Variants in ACACB observed in about 807,000 individuals in gnomAD.
The protein encoded by ACACB is acetyl-CoA carboxylase beta.
ACACB carries 209 observed loss-of-function variants against 278.8 expected under a neutral mutation model. The ratio of observed to expected loss-of-function variants is 0.75; its 90% CI spans 0.67 to 0.84. The LOEUF (loss-of-function observed/expected upper bound fraction) is 0.84. Ranked by LOEUF, ACACB falls within the 40% of genes least tolerant of loss-of-function variation. ACACB has a pLI of 0.00. For synonymous variants in ACACB, 1,174 were observed against 1,285.6 expected (o/e 0.91, Z 1.86); for missense variants, 2,850 against 3,269.0 (o/e 0.87, Z 3.13).
At chr12:109,148,346 G>C (rs536304543) in intron 2 of ACACB, among the ~76,000 whole-genome samples, 1 of 152,232 alleles carries the variant, frequency 6.6e-6, no homozygotes, top group African/African-American at 2.4e-5. Context: ...GTGCATAGTG[G>C]GCCTATGATG....
intron 6 of ACACB, among the ~76,000 whole-genome samples, chr12:109,172,591 A>C (rs1202018892): frequency 6.6e-6 from 1 of 152,220 alleles, no homozygotes; most frequent in East Asian, 1.9e-4. Context: ...GGCAGCCAAC[A>C]AGCATATGAA....
intron 12 of ACACB, among the ~76,000 whole-genome samples, chr12:109,187,280 TG>T (rs979422151): frequency 1.3e-5 from 2 of 152,100 alleles, no homozygotes; most frequent in Non-Finnish European, 2.9e-5. Context: ...TATCCAGAAT[TG>T]GAAATCTAAC....
chr12:109,209,114 G>GTGCCCA, intron 20 of ACACB, 51 bp from the exon 21 acceptor site: 2 of 1,524,354 alleles, frequency 1.3e-6, no homozygotes, highest in East Asian at 4.9e-5. Flanking sequence ...TGGGGCGGTG[G>GTGCCCA]TGCCCATGCC....
At chr12:109,135,691 C>A (rs1372487006) in intron 1 of ACACB, among the ~76,000 whole-genome samples, 2 of 151,266 alleles carry the variant, frequency 1.3e-5, no homozygotes, top group African/African-American at 4.9e-5. Context: ...ATATTTAGGT[C>A]TTTGATCCAT....
intron 1 of ACACB, among the ~76,000 whole-genome samples, chr12:109,131,171 G>T (rs748496135): frequency 6.6e-6 from 1 of 152,210 alleles, no homozygotes; most frequent in South Asian, 2.1e-4. Context: ...TTGAGGTCAG[G>T]AGAAGGCTGA....
At chr12:109,154,212 C>A (rs1203975754) in intron 2 of ACACB, among the ~76,000 whole-genome samples, 1 of 152,208 alleles carries the variant, frequency 6.6e-6, no homozygotes, top group Non-Finnish European at 1.5e-5. Flanking sequence ...GCTTCAGTAG[C>A]GGACCCAGGT....
intron 2 of ACACB, among the ~76,000 whole-genome samples, chr12:109,145,935 G>A (rs1414143336): frequency 6.6e-6 from 1 of 152,260 alleles, no homozygotes; most frequent in African/African-American, 2.4e-5. Flanking sequence ...CTTGAACCTG[G>A]GAGGCAGAGG....
At chr12:109,261,620 C>A (rs939265689) in intron 48 of ACACB, among the ~76,000 whole-genome samples, 5 of 151,966 alleles carry the variant, frequency 3.3e-5, no homozygotes, top group Non-Finnish European at 5.9e-5. Context: ...CCTGTAATCC[C>A]AGCATTTTGG....
rs754971822 is a variant in ACACB, at chr12:109,250,089, C to T, written c.5775C>T (p.Ile1925=). 10 of 1,610,406 alleles carry T rather than the reference C, an allele frequency of 6.2e-6. No homozygotes were observed. The highest frequency in any genetic ancestry group is 4.5e-5 in the East Asian group (2 of 44,698). ...AGESSLAYEE[I]VTISLVTCRA... ...AGTCCTCTCTGGCTTACGAAGAGAT[C>T]GTCACCATTAGCTTGGTGAGTCTTC... The change falls in exon 41 of 53, where the codon ATC becomes ATT. Residue 1925 remains isoleucine (I), a synonymous_variant. Coordinates refer to ENST00000338432, the MANE Select transcript of ACACB (RefSeq NM_001093.4).
intron 29 of ACACB, among the ~76,000 whole-genome samples, chr12:109,233,298 C>CT (rs1162145544): frequency 1.7e-4 from 26 of 152,182 alleles, no homozygotes; most frequent in Non-Finnish European, 2.6e-4. Context: ...CTGTTATAGT[C>CT]TTTTTTCAGC....
chr12:109,111,652 G>A (rs1216896687), upstream of ACACB, among the ~76,000 whole-genome samples: 2 of 151,610 alleles, frequency 1.3e-5, no homozygotes, highest in East Asian at 3.9e-4. Context: ...GCCTCCAGGG[G>A]TCAAGCAATC....
At chr12:109,262,073 A>G (rs566829918) in intron 48 of ACACB, among the ~76,000 whole-genome samples, 1 of 152,096 alleles carries the variant, frequency 6.6e-6, no homozygotes, top group South Asian at 2.1e-4. Context: ...TTATGCTGCC[A>G]TGGAAAAAGT....
chr12:109,155,161 G>T (rs934713577), intron 2 of ACACB, among the ~76,000 whole-genome samples: 6 of 152,208 alleles, frequency 3.9e-5, no homozygotes, highest in Non-Finnish European at 4.4e-5. Flanking sequence ...GACGTTGGGG[G>T]TGACGTTGCT....
chr12:109,195,772 C>T (rs923431909), intron 16 of ACACB, among the ~76,000 whole-genome samples: 2 of 151,960 alleles, frequency 1.3e-5, no homozygotes, highest in African/African-American at 4.8e-5. Context: ...GGCACTGTCT[C>T]CCTGAACTTT....
At position 109,129,899 on chromosome 12, in the gene ACACB, A is replaced by C. The variant is rs1027678860; in HGVS notation, c.-9-9498A>C. Among the ~76,000 whole-genome samples the C allele has an allele frequency of 1.2e-4, 16 of 138,254 alleles. No individual in the cohort carries two copies. The East Asian group carries it at 5.4e-3, about 47-fold the overall frequency. The allele number at this position is 138,254 out of a possible 152,430, so 90.7% of individuals were successfully genotyped here. On this transcript the variant is annotated intron_variant, in intron 1 of 52. Transcript: ENST00000338432. ...GAAGATGCTCACAGCAGAAGCCGCC[A>C]TCACTATCACCTGCCTGGTTCTTTC...
intron 36 of ACACB, 97 bp from the exon 37 acceptor site, chr12:109,242,340 T>TCCCC: frequency 7.2e-7 from 1 of 1,392,116 alleles, no homozygotes; most frequent in African/African-American, 1.4e-5. Context: ...ATGCTTTGCT[T>TCCCC]CCCCCACCTG....
chr12:109,139,588 T>C lies in ACACB; in HGVS notation c.183T>C (p.Asn61=). Reference sequence around the variant, plus strand: ...ACTCAGGGGAGACACCGCAGAGAAATGGGGAGGGCCACACTCTGCCCAAGA... The same window carrying C: ...ACTCAGGGGAGACACCGCAGAGAAACGGGGAGGGCCACACTCTGCCCAAGA... The part of the protein sequence containing the change: ...SDNSGETPQR[N]GEGHTLPKTP... The change falls in exon 2 of 53, where the codon AAT becomes AAC. Residue 61 remains asparagine (N), a synonymous_variant. Transcript: ENST00000338432. 1.2e-6 allele frequency: 2 copies of C among 1,613,446 alleles called. No individual in the cohort carries two copies. Among genetic ancestry groups the C allele is most frequent in the Non-Finnish European group, 1.7e-6 (2 of 1,179,930 alleles).
intron 22 of ACACB, among the ~76,000 whole-genome samples, 194 bp from the exon 23 acceptor site, chr12:109,216,424 T>G (rs891771484): frequency 9.2e-5 from 14 of 151,604 alleles, no homozygotes; most frequent in Non-Finnish European, 2.1e-4. Flanking sequence ...GTTTCACCAT[T>G]TTGGCCAGGC....
At chr12:109,148,496 T>C (rs1293723977) in intron 2 of ACACB, among the ~76,000 whole-genome samples, 1 of 152,190 alleles carries the variant, frequency 6.6e-6, no homozygotes, top group Non-Finnish European at 1.5e-5. Context: ...AACTTAAAGC[T>C]ATGAAATTGA....
Sources: gnomAD v4.1 joint callset for allele counts (sites outside exome capture counted in the v4.1 genomes callset) on GRCh38, gnomAD v4.1.1 for gene constraint, MANE v1.5 for transcripts, NCBI Gene and HGNC (gene_info 2026-07-23, HGNC 2026-07-21) for gene names.